The following YES1 variants were observed in gnomAD, a reference collection of about 807,000 sequenced individuals.
YES1 encodes YES proto-oncogene 1, Src family tyrosine kinase, also known as tyrosine-protein kinase Yes.
In YES1, 39 loss-of-function variants were observed where a neutral mutation model predicts 70.4. That is an observed-to-expected ratio of 0.55 (90% CI 0.43 to 0.72). The LOEUF (loss-of-function observed/expected upper bound fraction) is 0.72. YES1 is among the 30% of genes least tolerant of loss of function. The pLI is 0.00. For synonymous variants in YES1, 198 were observed against 218.6 expected (o/e 0.91, Z 0.83); for missense variants, 495 against 644.8 (o/e 0.77, Z 2.52).
At chr18:742,464 A>T (rs1475182313) in intron 8 of YES1, among the ~76,000 whole-genome samples, 1 of 28,642 alleles carries the variant, frequency 3.5e-5, no homozygotes, top group East Asian at 2.2e-3. Flanking sequence ...CTATTTAAAA[A>T]AAAAAAAAAA....
At chr18:730,705 T>TATTG (rs2080077701) in intron 11 of YES1, among the ~76,000 whole-genome samples, 1 of 152,224 alleles carries the variant, frequency 6.6e-6, no homozygotes. Flanking sequence ...CTTGATGCAA[T>TATTG]GTCCTATCAG....
chr18:803,719 GA>G (rs1906941403), intron 1 of YES1, among the ~76,000 whole-genome samples: 1 of 152,168 alleles, frequency 6.6e-6, no homozygotes, highest in African/African-American at 2.4e-5. Context: ...GGTAAGGTGG[GA>G]AAGGAGGGTG....
rs2080412103 is a variant in YES1, at chr18:756,717, A to G, written c.111T>C (p.Thr37=). ...AAGATGACGGACATGGTGACACTGT[A>G]GTGGGTTCTGCTCCATAATGGCTCA... ...TSVSHYGAEP[T]TVSPCPSSSA... is the part of the protein sequence containing the mutation. The change falls in exon 2 of 12, where the codon ACT becomes ACC. Residue 37 remains threonine (T), a synonymous_variant. Coordinates refer to ENST00000314574, the MANE Select transcript of YES1 (RefSeq NM_005433.4). The G allele has an allele frequency of 6.2e-7, 1 of 1,614,202 alleles. No individual in the cohort carries two copies. Among genetic ancestry groups the G allele is most frequent in the African/African-American group, 1.3e-5 (1 of 75,056 alleles).
intron 1 of YES1, among the ~76,000 whole-genome samples, chr18:759,610 CTT>C (rs200955379): frequency 6.6e-6 from 1 of 152,042 alleles, no homozygotes; most frequent in Admixed American, 6.5e-5. Context: ...AACGTACAGA[CTT>C]TTTTTCCTTG....
intron 1 of YES1, among the ~76,000 whole-genome samples, chr18:790,735 G>T (rs972500090): frequency 6.6e-6 from 1 of 152,104 alleles, no homozygotes; most frequent in Admixed American, 6.5e-5. Context: ...AAAGATAGGA[G>T]ACCTAAATAA....
intron 1 of YES1, among the ~76,000 whole-genome samples, chr18:778,975 TTTC>T (rs1905520850): frequency 1.3e-5 from 2 of 152,216 alleles, no homozygotes; most frequent in Admixed American, 1.3e-4. Context: ...TTACCATCTT[TTTC>T]TTTTTTCTGC....
At chr18:806,598 G>A (rs1000202568) in intron 1 of YES1, among the ~76,000 whole-genome samples, 1 of 152,078 alleles carries the variant, frequency 6.6e-6, no homozygotes, top group Admixed American at 6.6e-5. Flanking sequence ...TTGTGCTAAG[G>A]GCTGTTCTCA....
chr18:788,538 G>C (rs1020256028), intron 1 of YES1, among the ~76,000 whole-genome samples: 1 of 152,142 alleles, frequency 6.6e-6, no homozygotes, highest in Non-Finnish European at 1.5e-5. Context: ...TTTCCACCCA[G>C]AAAGGCACTA....
rs955819759 is a variant in YES1 at position 721,841 on chromosome 18, TA to T, written c.*2582del. 6.5e-6 allele frequency: 1 copy of T among 152,680 alleles called. No individual in the cohort carries two copies. The highest frequency in any genetic ancestry group is 1.5e-5 in the Non-Finnish European group (1 of 68,048). 9.5% of individuals were successfully genotyped at this position (152,680 alleles called of 1,614,324 possible). A position where few individuals can be genotyped will look rare whatever the true frequency, so the allele number is the denominator to read the frequency against. On this transcript the variant is annotated 3_prime_UTR_variant, in exon 12 of 12. Coordinates refer to ENST00000314574, the MANE Select transcript of YES1 (RefSeq NM_005433.4). ...TAAGTTTAGGCTACCATTATTCATTTAAAAAAGTGTGCTAGAAGGCTGTTTT... is the reference window on the plus strand; with the variant it reads ...TAAGTTTAGGCTACCATTATTCATTTAAAAAGTGTGCTAGAAGGCTGTTTT...
chr18:757,463 A>C (rs1289691143), intron 1 of YES1, among the ~76,000 whole-genome samples: 32 of 148,150 alleles, frequency 2.2e-4, no homozygotes, highest in Non-Finnish European at 3.1e-4. Flanking sequence ...AGATCGCGCC[A>C]CTGCACTCCA....
chr18:760,375 C>T (rs1010207349), intron 1 of YES1, among the ~76,000 whole-genome samples: 3 of 152,078 alleles, frequency 2.0e-5, no homozygotes, highest in African/African-American at 7.2e-5. Context: ...GAGGCTGAGG[C>T]AGAAGAATCG....
At chr18:801,923 T>C (rs1420768926) in intron 1 of YES1, among the ~76,000 whole-genome samples, 4 of 152,088 alleles carry the variant, frequency 2.6e-5, no homozygotes, top group Admixed American at 2.6e-4. Context: ...AGATGAGGAA[T>C]GTTTTGGACT....
intron 11 of YES1, among the ~76,000 whole-genome samples, chr18:731,795 G>A (rs768990110): frequency 4.6e-5 from 7 of 151,686 alleles, no homozygotes; most frequent in Non-Finnish European, 8.8e-5. Context: ...GTGAAACCCC[G>A]TCTCTACTAA....
intron 4 of YES1, among the ~76,000 whole-genome samples, chr18:746,828 C>A (rs914516008): frequency 1.3e-5 from 2 of 152,202 alleles, no homozygotes; most frequent in African/African-American, 4.8e-5. Flanking sequence ...ATACACCCTA[C>A]AATAAACCCT....
At chr18:811,335 C>T (rs529243583) in intron 1 of YES1, among the ~76,000 whole-genome samples, 1 of 152,142 alleles carries the variant, frequency 6.6e-6, no homozygotes, top group South Asian at 2.1e-4. Context: ...CTGTTAAGTC[C>T]TACTCATTAC....
At chr18:757,350 A>G (rs1904328503) in intron 1 of YES1, among the ~76,000 whole-genome samples, 1 of 151,942 alleles carries the variant, frequency 6.6e-6, no homozygotes, top group Non-Finnish European at 1.5e-5. Context: ...AAAAATGCAA[A>G]AAATTAGCCG....
At chr18:776,001 A>C (rs914930680) in intron 1 of YES1, among the ~76,000 whole-genome samples, 2 of 152,166 alleles carry the variant, frequency 1.3e-5, no homozygotes, top group Non-Finnish European at 2.9e-5. Flanking sequence ...TAGAATAATG[A>C]CAGCAATGAA....
intron 9 of YES1, chr18:737,591 G>T (rs1350439811): frequency 6.6e-6 from 1 of 152,210 alleles, no homozygotes; most frequent in African/African-American, 2.4e-5. Context: ...GTCTCTATCA[G>T]GCACAACCTA....
intron 1 of YES1, chr18:775,393 A>C (rs2145786676): frequency 6.6e-6 from 1 of 152,446 alleles, no homozygotes; most frequent in South Asian, 2.1e-4. Flanking sequence ...ACACCCTGTC[A>C]GCACCCAAGA....
Sources: gnomAD v4.1 joint callset for allele counts (sites outside exome capture counted in the v4.1 genomes callset) on GRCh38, gnomAD v4.1.1 for gene constraint, MANE v1.5 for transcripts, NCBI Gene and HGNC (gene_info 2026-07-23, HGNC 2026-07-21) for gene names.